The following IKZF3 variants were observed in gnomAD, a reference collection of about 807,000 sequenced individuals.
The protein encoded by IKZF3 is IKAROS family zinc finger 3.
IKZF3 carries 10 observed loss-of-function variants against 49.0 expected under a neutral mutation model. The observed-to-expected ratio is 0.20, with a 90% CI of 0.13 to 0.35. IKZF3 has a LOEUF of 0.35. Ranked by LOEUF, IKZF3 falls within the 10% of genes least tolerant of loss-of-function variation. The pLI is 1.00. For missense variants in IKZF3, 498 were observed against 664.8 expected (o/e 0.75, Z 2.76); for synonymous variants, 209 against 228.2 (o/e 0.92, Z 0.76).
intron 3 of IKZF3, among the ~76,000 whole-genome samples, chr17:39,812,863 C>T (rs896716517): frequency 6.6e-6 from 1 of 152,092 alleles, no homozygotes; most frequent in African/African-American, 2.4e-5. Context: ...CTTTGGGAGG[C>T]CGAGGTGGGC....
chr17:39,767,412 G>T (rs1011182081), intron 7 of IKZF3, among the ~76,000 whole-genome samples: 1 of 152,200 alleles, frequency 6.6e-6, no homozygotes, highest in African/African-American at 2.4e-5. Flanking sequence ...GGGGACTGCA[G>T]TGAGGGCAGA....
chr17:39,801,366 G>C (rs977509736), intron 3 of IKZF3, among the ~76,000 whole-genome samples: 1 of 136,058 alleles, frequency 7.3e-6, no homozygotes, highest in African/African-American at 2.7e-5. Flanking sequence ...GGTGGGGGGG[G>C]GCTTTTCTAG....
chr17:39,827,826 G>A (rs927478329), intron 3 of IKZF3, among the ~76,000 whole-genome samples: 41 of 152,312 alleles, frequency 2.7e-4, no homozygotes, highest in African/African-American at 9.4e-4. Flanking sequence ...GTAGTAGTTT[G>A]ATAGATATCT....
rs1297236901 is a variant in IKZF3 at position 39,765,401 on chromosome 17, C to T, written c.*389G>A. 1 of 166,964 alleles carries T rather than the reference C, an allele frequency of 6.0e-6. No individual in the cohort carries two copies. Among genetic ancestry groups the T allele is most frequent in the Non-Finnish European group, 1.3e-5 (1 of 76,918 alleles). The allele number at this position is 166,964 out of a possible 1,614,324, so 10.3% of individuals were successfully genotyped here. A position where few individuals can be genotyped will look rare whatever the true frequency, so the allele number is the denominator to read the frequency against. On this transcript the variant is annotated 3_prime_UTR_variant, in exon 8 of 8. Coordinates refer to ENST00000346872, the MANE Select transcript of IKZF3 (RefSeq NM_012481.5). ...CAGCAAGGTCAGCTGGTCAGCTCTT[C>T]CTCTTTGTGGATTTGCATGTATGAC...
At chr17:39,842,307 C>T (rs956154921) in intron 1 of IKZF3, among the ~76,000 whole-genome samples, 1 of 152,164 alleles carries the variant, frequency 6.6e-6, no homozygotes, top group Non-Finnish European at 1.5e-5. Flanking sequence ...ATTTGAGGCC[C>T]GCCTCAGCCT....
chr17:39,771,487 G>A (rs1339584171), intron 7 of IKZF3, among the ~76,000 whole-genome samples: 1 of 152,192 alleles, frequency 6.6e-6, no homozygotes, highest in Non-Finnish European at 1.5e-5. Flanking sequence ...CTACATGGTA[G>A]AACAAAACAT....
chr17:39,842,244 T>G (rs1022369751), intron 1 of IKZF3, among the ~76,000 whole-genome samples: 1 of 151,992 alleles, frequency 6.6e-6, no homozygotes, highest in African/African-American at 2.4e-5. Flanking sequence ...AAGATGGGCA[T>G]AGTGGCTCAC....
Position 39,763,103 on chromosome 17 carries a change from G to A in IKZF3, c.*2687C>T, listed in dbSNP as rs1008574910. On this transcript the variant is annotated 3_prime_UTR_variant, in exon 8 of 8. Coordinates refer to ENST00000346872, the MANE Select transcript of IKZF3 (RefSeq NM_012481.5). ...GGGAATAAGCAATCTGGCATAGCTT[G>A]GAGTCTAGTATTACGGAAATACAGT... 1 of 152,206 alleles carries A rather than the reference G, an allele frequency of 6.6e-6. No individual in the cohort carries two copies. The highest frequency in any genetic ancestry group is 1.5e-5 in the Non-Finnish European group (1 of 68,054). 9.4% of individuals were successfully genotyped at this position (152,206 alleles called of 1,614,324 possible). A position where few individuals can be genotyped will look rare whatever the true frequency, so the allele number is the denominator to read the frequency against.
intron 5 of IKZF3, among the ~76,000 whole-genome samples, chr17:39,788,876 C>A (rs2060938300): frequency 6.6e-6 from 1 of 152,208 alleles, no homozygotes; most frequent in Admixed American, 6.5e-5. Context: ...TCATCCTTGC[C>A]ACGTGGCTAT....
rs904161510 is a variant in IKZF3 at position 39,763,968 on chromosome 17, C to T, written c.*1822G>A. On this transcript the variant is annotated 3_prime_UTR_variant, in exon 8 of 8. Coordinates refer to ENST00000346872, the MANE Select transcript of IKZF3 (RefSeq NM_012481.5). Reference sequence around the variant, plus strand: ...TCCCAGGCTTAAGCGATTTTTCTGCCTCAGCCTCCGGAGTAGCTGGGATTA... The same window carrying T: ...TCCCAGGCTTAAGCGATTTTTCTGCTTCAGCCTCCGGAGTAGCTGGGATTA... The T allele has an allele frequency of 2.6e-5, 4 of 152,248 alleles. No homozygotes were observed. Among genetic ancestry groups the T allele is most frequent in the Admixed American group, 1.3e-4 (2 of 15,282 alleles). The allele number at this position is 152,248 out of a possible 1,614,324, so 9.4% of individuals were successfully genotyped here. A position where few individuals can be genotyped will look rare whatever the true frequency, so the allele number is the denominator to read the frequency against.
chr17:39,765,870 T>G lies in IKZF3; in HGVS notation c.1450A>C (p.Met484Leu), dbSNP rs373060211. 6.9e-5 allele frequency: 112 copies of G among 1,614,114 alleles called. No homozygotes were observed. The highest frequency in any genetic ancestry group is 8.8e-5 in the Non-Finnish European group (104 of 1,180,050). ...CGATCATGGCTTCGATATCCACACA[T>G]GTTACACTCGAAAGGGTCACGGAAG... The part of the protein sequence containing the change: ...HGFRDPFECN[M>L]CGYRSHDRYE... The change falls in exon 8 of 8, where the codon ATG (methionine) becomes CTG (leucine). Residue 484 changes from methionine to leucine, a missense_variant. Physicochemically the swap from Met to Leu is conservative, Grantham distance 15 (BLOSUM62 2). Coordinates refer to ENST00000346872, the MANE Select transcript of IKZF3 (RefSeq NM_012481.5).
At chr17:39,850,645 C>CT (rs376727513) in intron 1 of IKZF3, among the ~76,000 whole-genome samples, 2 of 43,474 alleles carry the variant, frequency 4.6e-5, no homozygotes, top group African/African-American at 2.1e-4. Flanking sequence ...GCATAAATAA[C>CT]ATATAGTATA....
At chr17:39,779,646 G>GTTTTTTTTTTTTTTTTTTTTT (rs138812490) in intron 6 of IKZF3, among the ~76,000 whole-genome samples, 1 of 117,816 alleles carries the variant, frequency 8.5e-6, no homozygotes, top group African/African-American at 3.3e-5. Context: ...TATATTCTTT[G>GTTTTTTTTTTTTTTTTTTTTT]TTTTTTGTTT....
At chr17:39,825,949 G>A (rs76029106) in intron 3 of IKZF3, among the ~76,000 whole-genome samples, 5,380 of 152,180 alleles carry the variant, frequency 0.035, 328 homozygotes, top group African/African-American at 0.12. Flanking sequence ...ATTGACTTTG[G>A]AACTATGTGA....
At chr17:39,775,268 A>G (rs982161109) in intron 7 of IKZF3, among the ~76,000 whole-genome samples, 1 of 152,124 alleles carries the variant, frequency 6.6e-6, no homozygotes, top group African/African-American at 2.4e-5. Flanking sequence ...TACCTCAATC[A>G]AGAGCTAACT....
At chr17:39,853,996 C>T (rs2062962912) in intron 1 of IKZF3, among the ~76,000 whole-genome samples, 1 of 152,054 alleles carries the variant, frequency 6.6e-6, no homozygotes, top group Non-Finnish European at 1.5e-5. Flanking sequence ...CGTGGTGGCA[C>T]ATGCCTGTAA....
At chr17:39,820,247 C>T (rs2061773364) in intron 3 of IKZF3, among the ~76,000 whole-genome samples, 1 of 152,130 alleles carries the variant, frequency 6.6e-6, no homozygotes, top group African/African-American at 2.4e-5. Context: ...ACTGAATTGT[C>T]AGGAAAAGCT....
chr17:39,771,261 C>T (rs1597956068), intron 7 of IKZF3, among the ~76,000 whole-genome samples: 1 of 152,210 alleles, frequency 6.6e-6, no homozygotes. Context: ...ACTGCTTTTT[C>T]CACATGGACC....
chr17:39,858,935 G>GACT (rs71355425), intron 1 of IKZF3, among the ~76,000 whole-genome samples: 8,742 of 151,692 alleles, frequency 0.058, 390 homozygotes, highest in African/African-American at 0.12. Context: ...AAGTAGCTGG[G>GACT]ACAAGTGCAC....
Sources: gnomAD v4.1 joint callset for allele counts (sites outside exome capture counted in the v4.1 genomes callset) on GRCh38, gnomAD v4.1.1 for gene constraint, MANE v1.5 for transcripts, NCBI Gene and HGNC (gene_info 2026-07-23, HGNC 2026-07-21) for gene names.